The following ERC2 variants were observed in gnomAD, a reference collection of about 807,000 sequenced individuals.
The protein encoded by ERC2 is ERC protein 2.
ERC2 carries 42 observed loss-of-function variants against 114.8 expected under a neutral mutation model. That is an observed-to-expected ratio of 0.37 (90% CI 0.29 to 0.47). The LOEUF (loss-of-function observed/expected upper bound fraction) is 0.47, where lower values mean the gene tolerates loss of function less well. ERC2 is among the 20% of genes least tolerant of loss of function. The pLI is 0.99. For missense variants in ERC2, 939 were observed against 1,150.7 expected, an observed-to-expected ratio of 0.82 and a Z score of 2.66; for synonymous variants, 454 against 425.5, an observed-to-expected ratio of 1.07 and a Z score of -0.82.
rs931736452 is a variant in ERC2, at chr3:56,425,725, G to C, written c.657+8626C>G. 5.3e-5 allele frequency among the ~76,000 whole-genome samples: 8 copies of C among 152,264 alleles called. No homozygotes were observed. The South Asian group carries it at 8.3e-4, about 16-fold the overall frequency. ...CTGAAACATGCCATGGCTTGTTGGG[G>C]TGGGGGGAGGTTATCAGGACTGGCA... On this transcript the variant is annotated intron_variant, in intron 2 of 17. Transcript: ENST00000288221.
At chr3:55,746,347 C>A (rs1006578566) in intron 14 of ERC2, among the ~76,000 whole-genome samples, 1 of 152,048 alleles carries the variant, frequency 6.6e-6, no homozygotes, top group Non-Finnish European at 1.5e-5. Context: ...GATTCTCCTG[C>A]CTCAGCCTCC....
rs1352414460 is a variant in ERC2, at chr3:55,576,463, C to T, written c.*40-65187G>A. Among the ~76,000 whole-genome samples the T allele has an allele frequency of 5.3e-5, 8 of 152,260 alleles. 2 individuals carry two copies. The South Asian group carries it at 8.3e-4, about 16-fold the overall frequency. ...GATGTTATTTTACAGATGAGGAAAC[C>T]GATGCTTAGGGAGGTAAAGGGGCCT... On this transcript the variant is annotated intron_variant, in intron 17 of 17. Coordinates refer to ENST00000288221, the MANE Select transcript of ERC2 (RefSeq NM_015576.3).
chr3:55,951,272 C>A (rs777847911), intron 12 of ERC2, among the ~76,000 whole-genome samples: 24 of 152,134 alleles, frequency 1.6e-4, no homozygotes, highest in Non-Finnish European at 2.9e-4. Context: ...ATTCTGAGAT[C>A]ATAATCCATT....
intron 13 of ERC2, among the ~76,000 whole-genome samples, chr3:55,892,748 G>A (rs1472684414): frequency 2.0e-5 from 3 of 151,952 alleles, no homozygotes; most frequent in Non-Finnish European, 4.4e-5. Context: ...ACATAATTGT[G>A]TATATAATTG....
chr3:56,328,627 C>T (rs915705617), intron 2 of ERC2, among the ~76,000 whole-genome samples: 2 of 152,114 alleles, frequency 1.3e-5, no homozygotes, highest in African/African-American at 4.8e-5. Context: ...CTCAAGTAAC[C>T]TTTACCAAGC....
chr3:55,695,790 T>C (rs1405967176), intron 16 of ERC2, among the ~76,000 whole-genome samples: 3 of 152,192 alleles, frequency 2.0e-5, no homozygotes, highest in Admixed American at 1.3e-4. Flanking sequence ...TTTCACCTGA[T>C]ACTCTGAGAA....
At chr3:56,164,632 T>G (rs1038011285) in intron 4 of ERC2, among the ~76,000 whole-genome samples, 1 of 152,122 alleles carries the variant, frequency 6.6e-6, no homozygotes, top group African/African-American at 2.4e-5. Flanking sequence ...TTCTAGGTCA[T>G]GTGGTAACTC....
At chr3:56,284,055 T>C (rs1048526490) in intron 3 of ERC2, among the ~76,000 whole-genome samples, 1 of 152,258 alleles carries the variant, frequency 6.6e-6, no homozygotes, top group East Asian at 1.9e-4. Flanking sequence ...ACACTGGCAG[T>C]TGAAATCTTC....
At chr3:56,457,785 T>A (rs537549459) in intron 1 of ERC2, among the ~76,000 whole-genome samples, 5 of 152,278 alleles carry the variant, frequency 3.3e-5, no homozygotes, top group Admixed American at 1.3e-4. Flanking sequence ...CTATTCCCCC[T>A]GTTATTTGTA....
At chr3:56,423,364 G>A (rs779359946) in intron 2 of ERC2, among the ~76,000 whole-genome samples, 2 of 152,152 alleles carry the variant, frequency 1.3e-5, no homozygotes, top group Non-Finnish European at 2.9e-5. Flanking sequence ...CAACGTCAGG[G>A]GCTGTCCCGT....
intron 2 of ERC2, among the ~76,000 whole-genome samples, chr3:56,430,626 A>G (rs2061751620): frequency 6.6e-6 from 1 of 152,072 alleles, no homozygotes; most frequent in Non-Finnish European, 1.5e-5. Flanking sequence ...CATCTCTACA[A>G]AAAAGTACAA....
chr3:55,549,921 GAC>G (rs2055038184), intron 17 of ERC2, among the ~76,000 whole-genome samples: 1 of 59,888 alleles, frequency 1.7e-5, no homozygotes, highest in African/African-American at 7.2e-5. Context: ...CCCCCTCCCC[GAC>G]ACACACAAGA....
intron 15 of ERC2, among the ~76,000 whole-genome samples, chr3:55,723,381 T>C (rs539456911): frequency 6.6e-6 from 1 of 152,172 alleles, no homozygotes; most frequent in Non-Finnish European, 1.5e-5. Context: ...TGATAAAAGA[T>C]GTATCTCTAT....
At chr3:56,032,797 T>A (rs1239815636) in intron 7 of ERC2, among the ~76,000 whole-genome samples, 2 of 147,948 alleles carry the variant, frequency 1.4e-5, no homozygotes, top group Non-Finnish European at 3.0e-5. Context: ...AGCCCAGGAA[T>A]TCAACTCCAA....
At chr3:56,244,297 T>C (rs2051527399) in intron 3 of ERC2, among the ~76,000 whole-genome samples, 1 of 152,206 alleles carries the variant, frequency 6.6e-6, no homozygotes, top group African/African-American at 2.4e-5. Flanking sequence ...ATTATATACA[T>C]ATTATTTAGC....
chr3:56,204,742 C>T (rs1471712543), intron 3 of ERC2, among the ~76,000 whole-genome samples: 1 of 152,020 alleles, frequency 6.6e-6, no homozygotes, highest in Non-Finnish European at 1.5e-5. Flanking sequence ...ACCTCATGAT[C>T]CACCTGCCTC....
intron 17 of ERC2, among the ~76,000 whole-genome samples, chr3:55,621,154 G>GCC (rs1253498923): frequency 2.3e-4 from 34 of 151,096 alleles, no homozygotes; most frequent in African/African-American, 7.9e-4. Context: ...GACTCTAACT[G>GCC]CCCCCCCTCC....
intron 6 of ERC2, among the ~76,000 whole-genome samples, chr3:56,121,993 C>T (rs1016809122): frequency 1.3e-5 from 2 of 152,180 alleles, no homozygotes; most frequent in Non-Finnish European, 2.9e-5. Context: ...GCACAACTGG[C>T]AACTGACAAA....
intron 13 of ERC2, among the ~76,000 whole-genome samples, chr3:55,898,344 T>G (rs2063941991): frequency 6.6e-6 from 1 of 152,080 alleles, no homozygotes; most frequent in Non-Finnish European, 1.5e-5. Context: ...AGTTCTGCAG[T>G]GTGGCAAAGA....
Sources: gnomAD v4.1 joint callset for allele counts (sites outside exome capture counted in the v4.1 genomes callset) on GRCh38, gnomAD v4.1.1 for gene constraint, MANE v1.5 for transcripts, NCBI Gene and HGNC (gene_info 2026-07-23, HGNC 2026-07-21) for gene names.